GATAD2B: variants seen among roughly 807,000 people sequenced by gnomAD.
GATAD2B encodes transcriptional repressor p66-beta.
GATAD2B carries 8 observed loss-of-function variants against 64.3 expected under a neutral mutation model. The ratio of observed to expected loss-of-function variants is 0.12; its 90% CI spans 0.07 to 0.22. The LOEUF is 0.22. GATAD2B is among the 10% of genes least tolerant of loss of function. The pLI is 1.00. For synonymous variants in GATAD2B, 281 were observed against 271.3 expected (o/e 1.04, Z -0.35); for missense variants, 453 against 752.0 (o/e 0.60, Z 4.65).
chr1:153,855,646 A>C (rs1209107694), intron 1 of GATAD2B, among the ~76,000 whole-genome samples: 1 of 152,152 alleles, frequency 6.6e-6, no homozygotes, highest in Non-Finnish European at 1.5e-5. Context: ...ATTAGGCTAA[A>C]TTCAAGGTAT....
chr1:153,872,425 G>A (rs1420338151), intron 1 of GATAD2B, among the ~76,000 whole-genome samples: 1 of 151,046 alleles, frequency 6.6e-6, no homozygotes, highest in African/African-American at 2.4e-5. Context: ...AAAATACATT[G>A]GTCTACTTTA....
At chr1:153,896,861 A>G (rs1342272339) in intron 1 of GATAD2B, among the ~76,000 whole-genome samples, 1 of 152,178 alleles carries the variant, frequency 6.6e-6, no homozygotes, top group Non-Finnish European at 1.5e-5. Flanking sequence ...AAGGGAAAAA[A>G]TGTCATCAAA....
At chr1:153,886,000 C>T (rs1461413898) in intron 1 of GATAD2B, among the ~76,000 whole-genome samples, 1 of 152,100 alleles carries the variant, frequency 6.6e-6, no homozygotes, top group Non-Finnish European at 1.5e-5. Flanking sequence ...CAGGCTTAGG[C>T]AACAGAGTTC....
At chr1:153,842,321 T>A (rs928811573) in intron 1 of GATAD2B, among the ~76,000 whole-genome samples, 1 of 152,250 alleles carries the variant, frequency 6.6e-6, no homozygotes, top group African/African-American at 2.4e-5. Context: ...AGCTCTTTGC[T>A]GTTCCTTTTT....
At chr1:153,864,586 T>C (rs1676415747) in intron 1 of GATAD2B, among the ~76,000 whole-genome samples, 1 of 151,802 alleles carries the variant, frequency 6.6e-6, no homozygotes, top group Non-Finnish European at 1.5e-5. Flanking sequence ...CACTGCAGTC[T>C]AGCTTGGGTG....
intron 1 of GATAD2B, among the ~76,000 whole-genome samples, chr1:153,898,339 GAAAAAC>G (rs1677666523): frequency 1.4e-5 from 2 of 139,070 alleles, no homozygotes; most frequent in Admixed American, 7.1e-5. Context: ...AAAGAAAAAA[GAAAAAC>G]AAAAACAAAA....
chr1:153,829,787 T>C (rs930349472), intron 1 of GATAD2B, among the ~76,000 whole-genome samples: 1 of 151,078 alleles, frequency 6.6e-6, no homozygotes, highest in Non-Finnish European at 1.5e-5. Context: ...TCTTTTCCAG[T>C]TGCAATGAAA....
chr1:153,862,365 C>T (rs1466411162), intron 1 of GATAD2B, among the ~76,000 whole-genome samples: 2 of 151,740 alleles, frequency 1.3e-5, no homozygotes, highest in African/African-American at 4.8e-5. Flanking sequence ...TCAGGTGATC[C>T]GCCCGCCTCA....
chr1:153,834,771 A>G (rs1675212540), intron 1 of GATAD2B, among the ~76,000 whole-genome samples: 3 of 152,138 alleles, frequency 2.0e-5, no homozygotes, highest in African/African-American at 7.2e-5. Flanking sequence ...CAAGGTTTCA[A>G]TGGAGGAAAT....
chr1:153,818,069 C>G lies in GATAD2B; in HGVS notation c.700G>C (p.Val234Leu). 1 of 1,611,730 alleles carries G rather than the reference C, an allele frequency of 6.2e-7. No individual in the cohort carries two copies. Among genetic ancestry groups the G allele is most frequent in the Non-Finnish European group, 8.5e-7 (1 of 1,179,136 alleles). Reference sequence around the variant, plus strand: ...AATGTTCTCAAATTTTGAGGTTCAACCCCTTGGGCCCCAGGCCGAGAGGGA... The same window carrying G: ...AATGTTCTCAAATTTTGAGGTTCAAGCCCTTGGGCCCCAGGCCGAGAGGGA... ...KLPSRPGAQG[V>L]EPQNLRTLQG... The change falls in exon 5 of 11, where the codon GTT (valine) becomes CTT (leucine). Residue 234 changes from valine to leucine, a missense_variant. By Grantham distance (32) the Val-to-Leu change is conservative. Around this residue, in one of 2 missense-constraint regions of GATAD2B, gnomAD observed 293 missense variants for 417.2 expected, o/e 0.70. Transcript: ENST00000368655.
At chr1:153,813,785 G>A (rs1674368612) in intron 7 of GATAD2B, among the ~76,000 whole-genome samples, 1 of 152,120 alleles carries the variant, frequency 6.6e-6, no homozygotes, top group Non-Finnish European at 1.5e-5. Context: ...AGAACAGCCT[G>A]ACCAACATAG....
In GATAD2B at chr1:153,816,504, C is replaced by T; in HGVS notation, c.985G>A (p.Val329Met). The change falls in exon 7 of 11, where the codon GTG becomes ATG. Residue 329 changes from valine to methionine, a missense_variant. Val to Met is a conservative substitution (Grantham distance 21). Around this residue, in one of 2 missense-constraint regions of GATAD2B, gnomAD observed 293 missense variants for 417.2 expected, o/e 0.70. Transcript: ENST00000368655. This position sits in a 1 kb window ranked among gnomAD's most constrained non-coding sequence, Gnocchi z 4.9. ...GGAAGTGGCGAGGACACTCTGTTCA[C>T]CGTCCCTGGCTGGATATGAGAAGCA... Reference protein sequence around the residue: ...NLASHIQPGTVNRVSSPLPSP... With the variant: ...NLASHIQPGTMNRVSSPLPSP... 6.2e-7 allele frequency: 1 copy of T among 1,613,536 alleles called. No homozygotes were observed. Among genetic ancestry groups the T allele is most frequent in the Non-Finnish European group, 8.5e-7 (1 of 1,179,408 alleles).
chr1:153,827,917 A>G lies in GATAD2B; in HGVS notation c.335+96T>C, dbSNP rs913415847. On this transcript the variant is annotated intron_variant, in intron 2 of 10. Coordinates refer to ENST00000368655, the MANE Select transcript of GATAD2B (RefSeq NM_020699.4). ...GATATATCTTCTTTTAAGAATCTTT[A>G]GGATGAAAAACACCCTCCTCTCATT... The G allele has an allele frequency of 1.1e-5, 9 of 841,640 alleles. No homozygotes were observed. The African/African-American group carries it at 1.4e-4, about 13-fold the overall frequency. 52.1% of individuals were successfully genotyped at this position (841,640 alleles called of 1,614,324 possible). A position where few individuals can be genotyped will look rare whatever the true frequency, so the allele number is the denominator to read the frequency against.
intron 1 of GATAD2B, among the ~76,000 whole-genome samples, chr1:153,876,360 T>TA (rs1676835345): frequency 6.6e-6 from 1 of 151,940 alleles, no homozygotes; most frequent in East Asian, 1.9e-4. Flanking sequence ...TATATTGTCA[T>TA]TTTTGGTTTC....
At chr1:153,840,758 T>C (rs1260591133) in intron 1 of GATAD2B, among the ~76,000 whole-genome samples, 1 of 152,234 alleles carries the variant, frequency 6.6e-6, no homozygotes, top group African/African-American at 2.4e-5. Context: ...CTATTTTTTC[T>C]GATTTGTCTC....
chr1:153,874,709 T>C (rs1676771309), intron 1 of GATAD2B, among the ~76,000 whole-genome samples: 1 of 151,778 alleles, frequency 6.6e-6, no homozygotes, highest in African/African-American at 2.4e-5. Flanking sequence ...CCCAAGTAGC[T>C]GGGACTACAG....
chr1:153,861,740 C>G (rs1466940319), intron 1 of GATAD2B, among the ~76,000 whole-genome samples: 8 of 142,694 alleles, frequency 5.6e-5, no homozygotes, highest in African/African-American at 2.1e-4. Flanking sequence ...TGAGATCACA[C>G]CACTGCACTC....
At chr1:153,836,871 T>G (rs1378925627) in intron 1 of GATAD2B, among the ~76,000 whole-genome samples, 2 of 152,108 alleles carry the variant, frequency 1.3e-5, no homozygotes, top group East Asian at 3.8e-4. Context: ...TGAAAGTAAG[T>G]CAAATAATTT....
chr1:153,862,194 C>T (rs1015294281), intron 1 of GATAD2B, among the ~76,000 whole-genome samples: 18 of 142,802 alleles, frequency 1.3e-4, no homozygotes, highest in African/African-American at 4.7e-4. Context: ...GTGATCTCAG[C>T]TCACTGCAAA....
Sources: allele counts gnomAD v4.1 joint callset (sites outside exome capture counted in the v4.1 genomes callset), GRCh38; gene constraint gnomAD v4.1.1; regional missense constraint gnomAD v4.1.1; non-coding constraint Gnocchi (gnomAD v3.1); transcripts MANE v1.5; gene names NCBI Gene and HGNC (gene_info 2026-07-23, HGNC 2026-07-21).